The following CSMD1 variants were observed in gnomAD, a reference collection of about 807,000 sequenced individuals.
CSMD1 encodes the protein CUB and sushi domain-containing protein 1.
Under a neutral mutation model 417.5 loss-of-function variants are expected in CSMD1, and 213 were observed. That is an observed-to-expected ratio of 0.51 (90% CI 0.46 to 0.57). CSMD1 has a LOEUF of 0.57. Among genes scored for constraint, CSMD1 ranks in the 20% least tolerant of loss-of-function variants. The pLI, the probability that CSMD1 is intolerant of heterozygous loss-of-function variation, is 0.00. For synonymous variants in CSMD1, 2,862 were observed against 1,736.8 expected, an observed-to-expected ratio of 1.65 and a Z score of -16.11; for missense variants, 6,923 against 4,529.7, an observed-to-expected ratio of 1.53 and a Z score of -15.17.
chr8:3,891,394 C>A (rs939626634), intron 5 of CSMD1, among the ~76,000 whole-genome samples: 3 of 152,060 alleles, frequency 2.0e-5, no homozygotes, highest in Admixed American at 2.0e-4. Context: ...CAAAATCCAT[C>A]CGAGGCCAGG....
intron 54 of CSMD1, among the ~76,000 whole-genome samples, chr8:2,997,285 T>C (rs1050418951): frequency 2.0e-5 from 3 of 152,252 alleles, no homozygotes; most frequent in Non-Finnish European, 4.4e-5. Flanking sequence ...CCAACTTCTA[T>C]ACAACTTCTA....
intron 5 of CSMD1, among the ~76,000 whole-genome samples, chr8:3,970,852 C>T (rs918039265): frequency 4.6e-5 from 7 of 152,036 alleles, no homozygotes; most frequent in African/African-American, 1.4e-4. Flanking sequence ...CCCGGGTTCA[C>T]GCCATTCTCC....
In CSMD1 at chr8:3,046,526, G is replaced by A. The variant is rs555603354; in HGVS notation, c.7660+5936C>T. Among the ~76,000 whole-genome samples the A allele has an allele frequency of 3.3e-5, 5 of 152,210 alleles. No individual in the cohort carries two copies. In the East Asian group the frequency reaches 5.8e-4, roughly 18 times the overall value. ...CATGTCTCCTGATCCTCGCCCCCAC[G>A]GATCATGAAACCAGGTGAATACTGA... On this transcript the variant is annotated intron_variant, in intron 50 of 69. Coordinates refer to ENST00000635120, the MANE Select transcript of CSMD1 (RefSeq NM_033225.6).
intron 1 of CSMD1, among the ~76,000 whole-genome samples, chr8:4,848,836 G>A (rs904131817): frequency 2.0e-5 from 3 of 152,138 alleles, no homozygotes; most frequent in African/African-American, 2.4e-5. Flanking sequence ...GAGCCAACGC[G>A]CCCAACCCAG....
At chr8:3,997,835 A>T (rs1323808859) in intron 5 of CSMD1, 68 bp downstream of exon 5, 2 of 1,365,466 alleles carry the variant, frequency 1.5e-6, no homozygotes, top group Non-Finnish European at 2.0e-6. Context: ...CAATTCTTGA[A>T]GCTCGTTGGG....
chr8:3,798,775 T>C (rs1035850574), intron 5 of CSMD1, among the ~76,000 whole-genome samples: 7 of 152,062 alleles, frequency 4.6e-5, no homozygotes, highest in Non-Finnish European at 7.4e-5. Flanking sequence ...TTTTACTATG[T>C]TTGTATTTAA....
intron 3 of CSMD1, among the ~76,000 whole-genome samples, chr8:4,041,050 T>G (rs1467936047): frequency 1.5e-5 from 2 of 136,542 alleles, no homozygotes; most frequent in East Asian, 2.3e-4. Context: ...GGAGTCTCGC[T>G]CTGTCGCCCA....
At chr8:3,757,317 T>G (rs145041319) in intron 5 of CSMD1, among the ~76,000 whole-genome samples, 3 of 152,194 alleles carry the variant, frequency 2.0e-5, no homozygotes, top group Admixed American at 6.5e-5. Context: ...ATGGTCTTTG[T>G]TGGAAATTGT....
At chr8:4,153,548 C>T (rs1025147939) in intron 3 of CSMD1, among the ~76,000 whole-genome samples, 1 of 152,198 alleles carries the variant, frequency 6.6e-6, no homozygotes, top group African/African-American at 2.4e-5. Context: ...TCGTCAGCAG[C>T]GGCCTCCACG....
At chr8:3,265,365 G>A (rs1415241960) in intron 26 of CSMD1, among the ~76,000 whole-genome samples, 7 of 152,286 alleles carry the variant, frequency 4.6e-5, no homozygotes, top group Middle Eastern at 3.4e-3. Flanking sequence ...ACAGCCAAGC[G>A]TGATAAAGAT....
At chr8:4,720,745 T>C (rs930934649) in intron 1 of CSMD1, among the ~76,000 whole-genome samples, 1 of 152,162 alleles carries the variant, frequency 6.6e-6, no homozygotes, top group Non-Finnish European at 1.5e-5. Flanking sequence ...ATTTGGAATA[T>C]TTATAAAGTT....
intron 3 of CSMD1, among the ~76,000 whole-genome samples, chr8:4,306,034 A>G (rs558318008): frequency 1.9e-4 from 29 of 152,326 alleles, no homozygotes; most frequent in Admixed American, 5.2e-4. Context: ...TGCTGTAATT[A>G]TATTAAGTAT....
intron 1 of CSMD1, among the ~76,000 whole-genome samples, chr8:4,851,115 A>G (rs1200483613): frequency 1.9e-5 from 2 of 106,608 alleles, no homozygotes; most frequent in South Asian, 3.9e-4. Flanking sequence ...ACACCCCACA[A>G]CAGTCCCCGG....
intron 2 of CSMD1, among the ~76,000 whole-genome samples, chr8:4,441,094 G>GTTTTTTTTTTTTTTTTTTTTTTT: frequency 3.7e-5 from 1 of 27,102 alleles, no homozygotes; most frequent in Non-Finnish European, 7.3e-5. Context: ...TTAATCAAAA[G>GTTTTTTTTTTTTTTTTTTTTTTT]GTTTTTTTTT....
At chr8:4,928,107 G>A (rs1049928088) in intron 1 of CSMD1, among the ~76,000 whole-genome samples, 3 of 152,034 alleles carry the variant, frequency 2.0e-5, no homozygotes, top group Non-Finnish European at 4.4e-5. Context: ...CTCATCCTCA[G>A]CCCACTTTGC....
chr8:3,599,831 C>A (rs1221080021), intron 8 of CSMD1, among the ~76,000 whole-genome samples: 1 of 152,204 alleles, frequency 6.6e-6, no homozygotes, highest in African/African-American at 2.4e-5. Context: ...CTGCTGGGAG[C>A]AACAGATCTG....
chr8:4,961,085 G>A (rs1025623763), intron 1 of CSMD1, among the ~76,000 whole-genome samples: 2 of 151,890 alleles, frequency 1.3e-5, no homozygotes, highest in African/African-American at 2.4e-5. Flanking sequence ...AATTAACAAC[G>A]GGTGTTTACC....
At chr8:3,709,988 A>G (rs1028665211) in intron 6 of CSMD1, among the ~76,000 whole-genome samples, 10 of 151,834 alleles carry the variant, frequency 6.6e-5, no homozygotes, top group Non-Finnish European at 1.3e-4. Flanking sequence ...AAACCTGATT[A>G]TATCTTTTGG....
chr8:3,487,261 G>A (rs577295673), intron 11 of CSMD1, among the ~76,000 whole-genome samples: 151 of 152,230 alleles, frequency 9.9e-4, no homozygotes, highest in African/African-American at 3.3e-3. Context: ...GAGTGCAGTG[G>A]CGCGATCTTG....
Sources: allele counts gnomAD v4.1 joint callset (sites outside exome capture counted in the v4.1 genomes callset), GRCh38; gene constraint gnomAD v4.1.1; transcripts MANE v1.5; gene names NCBI Gene and HGNC (gene_info 2026-07-23, HGNC 2026-07-21).